PDE4D: variants seen among roughly 807,000 people sequenced by gnomAD.
PDE4D encodes the protein 3',5'-cyclic-AMP phosphodiesterase 4D.
Under a neutral mutation model 87.4 loss-of-function variants are expected in PDE4D, and 24 were observed. The observed-to-expected ratio is 0.27, with a 90% CI of 0.20 to 0.39. PDE4D has a LOEUF of 0.39. PDE4D is among the 10% of genes least tolerant of loss of function. The pLI is 1.00. For synonymous variants in PDE4D, 384 were observed against 383.2 expected (o/e 1.00, Z -0.02); for missense variants, 714 against 1,041.0 (o/e 0.69, Z 4.32).
intron 1 of PDE4D, among the ~76,000 whole-genome samples, chr5:59,379,198 T>C (rs1785294258): frequency 6.6e-6 from 1 of 152,142 alleles, no homozygotes; most frequent in Non-Finnish European, 1.5e-5. Flanking sequence ...TAATGATGTG[T>C]CTGCGTAACA....
chr5:59,430,262 G>A lies in PDE4D; in HGVS notation c.456-214294C>T, dbSNP rs1011116471. ...AAGGGCAACAAAACACATTTTCACT[G>A]ACAAACAACTAGAGGAAAGGAAAGC... On this transcript the variant is annotated intron_variant, in intron 1 of 14. Transcript: ENST00000340635. 3 of 1,230,420 alleles carry A rather than the reference G, an allele frequency of 2.4e-6. No homozygotes were observed. The African/African-American group carries it at 4.7e-5, about 19-fold the overall frequency. The allele number at this position is 1,230,420 out of a possible 1,614,324, so 76.2% of individuals were successfully genotyped here.
chr5:59,296,340 A>G (rs1769094355), intron 1 of PDE4D, among the ~76,000 whole-genome samples: 1 of 152,262 alleles, frequency 6.6e-6, no homozygotes, highest in Admixed American at 6.5e-5. Flanking sequence ...TCAGGCCTTC[A>G]GGAGGAATTT....
At chr5:60,188,780 T>A (rs1347522643) in intron 1 of PDE4D, among the ~76,000 whole-genome samples, 1 of 152,226 alleles carries the variant, frequency 6.6e-6, no homozygotes, top group Non-Finnish European at 1.5e-5. Flanking sequence ...CAGCAACGAA[T>A]GAAGTAAATT....
At position 60,249,449 on chromosome 5, in the gene PDE4D, G is replaced by A. The variant is rs568087389; in HGVS notation, c.-89-63762C>T. ...TTTATAAAATACAGTTGGTCCAAGA[G>A]GACAAGTTGTGTCAAAATCATTTTC... On this transcript the variant is annotated intron_variant, in intron 1 of 16. Coordinates refer to the PDE4D transcript ENST00000502484. Among the ~76,000 whole-genome samples, 18 of 152,074 alleles carry A rather than the reference G, an allele frequency of 1.2e-4. No individual in the cohort carries two copies. In the East Asian group the frequency reaches 2.7e-3, roughly 23 times the overall value.
chr5:60,202,582 G>A (rs1019051577), intron 1 of PDE4D, among the ~76,000 whole-genome samples: 4 of 151,822 alleles, frequency 2.6e-5, no homozygotes, highest in Non-Finnish European at 2.9e-5. Flanking sequence ...GGTACAACAT[G>A]GAGAACTCTT....
chr5:60,312,689 C>T (rs114393531), intron 1 of PDE4D, among the ~76,000 whole-genome samples: 134 of 152,236 alleles, frequency 8.8e-4, no homozygotes, highest in African/African-American at 3.0e-3. Flanking sequence ...CCACCCTTGA[C>T]GTGGGGATTA....
chr5:59,707,671 C>T (rs1056253057), intron 1 of PDE4D, among the ~76,000 whole-genome samples: 1 of 152,072 alleles, frequency 6.6e-6, no homozygotes, highest in African/African-American at 2.4e-5. Flanking sequence ...TCACTAAACC[C>T]CACTCCCTGA....
intron 1 of PDE4D, among the ~76,000 whole-genome samples, chr5:60,200,685 A>C (rs749198960): frequency 2.0e-5 from 3 of 152,126 alleles, no homozygotes; most frequent in Admixed American, 2.0e-4. Flanking sequence ...CTTGCTCCCA[A>C]ATTCACTTAG....
intron 1 of PDE4D, chr5:59,217,906 C>A: frequency 2.6e-6 from 1 of 379,528 alleles, no homozygotes; most frequent in Middle Eastern, 4.0e-4. Context: ...TTGGCAAACT[C>A]TCCTTGGATA....
At chr5:60,499,693 CT>C (rs1333840506) in intron 1 of PDE4D, among the ~76,000 whole-genome samples, 1 of 152,150 alleles carries the variant, frequency 6.6e-6, no homozygotes, top group Non-Finnish European at 1.5e-5. Flanking sequence ...CAAGAATAAA[CT>C]CTTCAAGTAA....
intron 1 of PDE4D, among the ~76,000 whole-genome samples, chr5:59,623,117 C>A (rs1300919593): frequency 6.6e-6 from 1 of 152,064 alleles, no homozygotes; most frequent in African/African-American, 2.4e-5. Flanking sequence ...ATTTCAGAAA[C>A]GTTAAAATAA....
At chr5:59,985,252 C>T (rs1762341556) in intron 3 of PDE4D, among the ~76,000 whole-genome samples, 1 of 151,656 alleles carries the variant, frequency 6.6e-6, no homozygotes, top group Non-Finnish European at 1.5e-5. Context: ...CATCCTCTTG[C>T]CTCAGCCTCC....
intron 1 of PDE4D, among the ~76,000 whole-genome samples, chr5:59,309,960 G>T (rs574335166): frequency 6.6e-6 from 1 of 152,158 alleles, no homozygotes; most frequent in Non-Finnish European, 1.5e-5. Flanking sequence ...CTCTGCTTAC[G>T]TGAGGTCTTC....
chr5:60,375,926 C>A (rs569955209), intron 1 of PDE4D, among the ~76,000 whole-genome samples: 2 of 152,238 alleles, frequency 1.3e-5, no homozygotes, highest in South Asian at 4.1e-4. Context: ...GTAGTCCCAG[C>A]TACTTGGGAG....
chr5:59,255,411 A>G (rs1760784152), intron 1 of PDE4D, among the ~76,000 whole-genome samples: 1 of 152,104 alleles, frequency 6.6e-6, no homozygotes, highest in African/African-American at 2.4e-5. Flanking sequence ...GTGGGGTGGA[A>G]GGGAGGCAGG....
At chr5:60,520,691 G>T (rs748839677) in intron 1 of PDE4D, among the ~76,000 whole-genome samples, 11 of 152,204 alleles carry the variant, frequency 7.2e-5, no homozygotes, top group East Asian at 1.9e-4. Flanking sequence ...GGAAAAGAAG[G>T]CACCGCCTAG....
intron 1 of PDE4D, among the ~76,000 whole-genome samples, chr5:59,827,039 T>C (rs1354766197): frequency 6.6e-6 from 1 of 152,044 alleles, no homozygotes; most frequent in Non-Finnish European, 1.5e-5. Context: ...GGGGATATGA[T>C]TAATTTTCAA....
intron 2 of PDE4D, among the ~76,000 whole-genome samples, chr5:60,009,993 T>A (rs1228956825): frequency 6.6e-6 from 1 of 152,068 alleles, no homozygotes; most frequent in Non-Finnish European, 1.5e-5. Flanking sequence ...CTATTTTTTT[T>A]AAACAAAAGT....
At position 58,975,437 on chromosome 5, in the gene PDE4D, A is replaced by G. The variant is rs1313944633; in HGVS notation, c.2013+220T>C. 1.3e-5 allele frequency among the ~76,000 whole-genome samples: 2 copies of G among 152,242 alleles called. No individual in the cohort carries two copies. Among genetic ancestry groups the G allele is most frequent in the Non-Finnish European group, 2.9e-5 (2 of 68,032 alleles). On this transcript the variant is annotated intron_variant, in intron 14 of 14. Coordinates refer to ENST00000340635, the MANE Select transcript of PDE4D (RefSeq NM_001104631.2). The surrounding 1 kb of genome is among the most constrained non-coding windows in gnomAD (Gnocchi z 4.2). ...ATGAATATATTAAATGAATATAGTC[A>G]TAATAAATGAATATGTCTTTAGAAT... is the stretch of plus-strand genomic sequence containing the variant.
Sources: gnomAD v4.1 joint callset for allele counts (sites outside exome capture counted in the v4.1 genomes callset) on GRCh38, gnomAD v4.1.1 for gene constraint, Gnocchi (gnomAD v3.1) non-coding constraint, MANE v1.5 for transcripts, NCBI Gene and HGNC (gene_info 2026-07-23, HGNC 2026-07-21) for gene names.